CTNS: variants seen among roughly 807,000 people sequenced by gnomAD.
The protein encoded by CTNS is cystinosin.
A neutral mutation model predicts 43.7 loss-of-function variants in CTNS; 27 were observed. The observed-to-expected ratio is 0.62, with a 90% CI of 0.46 to 0.85. The LOEUF (loss-of-function observed/expected upper bound fraction) is 0.85, where lower values mean the gene tolerates loss of function less well. Among genes scored for constraint, CTNS ranks in the 40% least tolerant of loss-of-function variants. The pLI is 0.00. For synonymous variants in CTNS, 187 were observed against 190.6 expected (o/e 0.98, Z 0.16); for missense variants, 457 against 475.4 (o/e 0.96, Z 0.36).
At chr17:3,636,492 C>T (rs990441311), upstream of CTNS, 1 of 424,244 alleles carries the variant, frequency 2.4e-6, no homozygotes, top group African/African-American at 2.1e-5. Context: ...GGAGGGCGGT[C>T]TGAGCTTCGC....
intron 5 of CTNS, among the ~76,000 whole-genome samples, chr17:3,649,686 C>T (rs2075931299): frequency 6.6e-6 from 1 of 152,106 alleles, no homozygotes; most frequent in South Asian, 2.1e-4. Flanking sequence ...AAAACCAGTG[C>T]CAGAGGCCGT....
rs1470625826 is a variant in CTNS at position 3,660,702 on chromosome 17, A to G, written c.*333A>G. 1.2e-6 allele frequency: 2 copies of G among 1,613,344 alleles called. No homozygotes were observed. Among genetic ancestry groups the G allele is most frequent in the Non-Finnish European group, 8.5e-7 (1 of 1,179,972 alleles). ...GCAGCCGAAGGCCTTGCCCCAAACT[A>G]CCAGCGTTTCTGCAAGCAGCTTGAA... On this transcript the variant is annotated 3_prime_UTR_variant, in exon 12 of 12. Transcript: ENST00000046640.
chr17:3,657,882 C>T (rs1473374105), intron 9 of CTNS, 123 bp from the exon 10 acceptor site: 1 of 1,085,254 alleles, frequency 9.2e-7, no homozygotes, highest in Non-Finnish European at 1.4e-6. Flanking sequence ...TGCAGGGGCT[C>T]CTTCAAGGCC....
At position 3,655,365 on chromosome 17, in the gene CTNS, G is replaced by A. The variant is rs1389999887; in HGVS notation, c.461+13G>A. 4 of 1,613,714 alleles carry A rather than the reference G, an allele frequency of 2.5e-6. No homozygotes were observed. In the African/African-American group the frequency reaches 5.3e-5, roughly 22 times the overall value. On this transcript the variant is annotated intron_variant, in intron 7 of 11. Coordinates refer to ENST00000046640, the MANE Select transcript of CTNS (RefSeq NM_004937.3). ...GGAGGCGGAAAAGGTAACCCCCTGG[G>A]CCGTATGTGCAGGCTCTCTCGGGGC...
chr17:3,657,080 GAGGAGGGAGGAGGGCAC>G (rs1238315197), intron 9 of CTNS, among the ~76,000 whole-genome samples: 3 of 149,224 alleles, frequency 2.0e-5, no homozygotes, highest in Non-Finnish European at 4.4e-5. Context: ...CCCTGCCAGG[GAGGAGGGAGGAGGGCAC>G]AGAAGGGAGG....
rs778764492 is a variant in CTNS, at chr17:3,656,518, C to G, written c.493C>G (p.Leu165Val). Residue 165 changes from leucine to valine, a missense_variant, in exon 8 of 12, where the codon CTG becomes GTG. Coordinates refer to ENST00000046640, the MANE Select transcript of CTNS (RefSeq NM_004937.3). ...TGGTCTGAGCTTCGACTTCGTGGCT[C>G]TGAACCTGACGGGCTTCGTGGCCTA... ...VIGLSFDFVA[L>V]NLTGFVAYSV... 6.2e-7 allele frequency: 1 copy of G among 1,605,046 alleles called. No homozygotes were observed. Among genetic ancestry groups the G allele is most frequent in the East Asian group, 2.2e-5 (1 of 44,588 alleles).
intron 3 of CTNS, among the ~76,000 whole-genome samples, chr17:3,641,748 A>C (rs889890880): frequency 1.1e-4 from 17 of 151,980 alleles, no homozygotes; most frequent in Non-Finnish European, 2.2e-4. Context: ...AATCCTGCAG[A>C]GGTTTCCCCA....
At chr17:3,639,519 T>TAAC (rs2075628265) in intron 2 of CTNS, among the ~76,000 whole-genome samples, 1 of 151,888 alleles carries the variant, frequency 6.6e-6, no homozygotes, top group Non-Finnish European at 1.5e-5. Context: ...AATACAAAAG[T>TAAC]TAGCCGGGCA....
At chr17:3,658,268 G>A (rs952454514) in intron 10 of CTNS, 93 bp downstream of exon 10, 152 of 1,527,088 alleles carry the variant, frequency 1.0e-4, no homozygotes, top group Non-Finnish European at 1.2e-4. Flanking sequence ...TCCTGCCGGC[G>A]TGAGGAAACA....
rs2076159915 is a variant in CTNS at position 3,656,803 on chromosome 17, C to T, written c.681+8C>T. ...CAGTGCTGCCTGTATGAGGTGAGAC[C>T]AGCCCTGGCCCCCCACAGGCCACCC... is the stretch of plus-strand genomic sequence containing the variant. On this transcript the variant is annotated splice_region_variant and intron_variant, in intron 9 of 11. Transcript: ENST00000046640. The T allele has an allele frequency of 6.2e-7, 1 of 1,612,976 alleles. No individual in the cohort carries two copies. Among genetic ancestry groups the T allele is most frequent in the Non-Finnish European group, 8.5e-7 (1 of 1,179,932 alleles).
At chr17:3,642,392 A>G (rs1001671538) in intron 3 of CTNS, among the ~76,000 whole-genome samples, 1 of 152,272 alleles carries the variant, frequency 6.6e-6, no homozygotes, top group Admixed American at 6.5e-5. Flanking sequence ...CCTGAATGCC[A>G]TTAGAAAAGA....
chr17:3,658,012 G>T lies in CTNS; in HGVS notation c.689G>T (p.Gly230Val). The change falls in exon 10 of 12, where the codon GGC becomes GTC. Residue 230 changes from glycine (G) to valine (V), a missense_variant. Transcript: ENST00000046640. ...CCCTCCTCTCGCCCCCAGCGCGGTG[G>T]CCAGCGCGTGTCCTGGCCTGCCATC... Reference protein sequence around the residue: ...IVQCCLYERGGQRVSWPAIGF... With the variant: ...IVQCCLYERGVQRVSWPAIGF... 1 of 1,609,552 alleles carries T rather than the reference G, an allele frequency of 6.2e-7. No homozygotes were observed.
intron 2 of CTNS, among the ~76,000 whole-genome samples, chr17:3,637,819 A>G (rs114472621): frequency 0.012 from 1,831 of 151,744 alleles, 45 homozygotes; most frequent in African/African-American, 0.042. Context: ...ACATCTCCTC[A>G]TTTAAGTCCT....
intron 3 of CTNS, among the ~76,000 whole-genome samples, chr17:3,645,534 C>T (rs1567699656): frequency 6.6e-6 from 1 of 151,968 alleles, no homozygotes; most frequent in African/African-American, 2.4e-5. Flanking sequence ...AGTATTGAGG[C>T]GGAGAATCAG....
At position 3,660,926 on chromosome 17, in the gene CTNS, A is replaced by C; in HGVS notation, c.*557A>C. 1 of 802,332 alleles carries C rather than the reference A, an allele frequency of 1.2e-6. No homozygotes were observed. The highest frequency in any genetic ancestry group is 2.0e-6 in the Non-Finnish European group (1 of 501,216). The allele number at this position is 802,332 out of a possible 1,614,324, so 49.7% of individuals were successfully genotyped here. ...CTCTGTACATAACTCAGCGTCCGTG[A>C]CTGCAGTAACAGCCAGCCCTACCCA... On this transcript the variant is annotated 3_prime_UTR_variant, in exon 12 of 12. Transcript: ENST00000046640.
Position 3,637,719 on chromosome 17 carries a change from G to A in CTNS, c.-20+403G>A, listed in dbSNP as rs544463609. The stretch of plus-strand genomic sequence containing the variant: ...TGACCTCAGGTGATGCGCTCACCTC[G>A]GCCTCCCAAAGTGCTGGGATGACAG... On this transcript the variant is annotated intron_variant, in intron 2 of 11. Coordinates refer to ENST00000046640, the MANE Select transcript of CTNS (RefSeq NM_004937.3). Among the ~76,000 whole-genome samples, 13 of 152,038 alleles carry A rather than the reference G, an allele frequency of 8.6e-5. No homozygotes were observed. The East Asian group carries it at 2.5e-3, about 29-fold the overall frequency.
At chr17:3,658,329 G>C (rs1246475849) in intron 10 of CTNS, among the ~76,000 whole-genome samples, 154 bp downstream of exon 10, 1 of 152,178 alleles carries the variant, frequency 6.6e-6, no homozygotes, top group African/African-American at 2.4e-5. Flanking sequence ...GGGGCGGTGG[G>C]GAGGCCAGCC....
rs1488209262 is a variant in CTNS, at chr17:3,661,840, G to A, written c.*1471G>A. ...CACCAGCACTGGGAGCGGGGGCAGT[G>A]GGGGTCTTATTCTCCAGACGCTTCC... On this transcript the variant is annotated 3_prime_UTR_variant, in exon 12 of 12. Coordinates refer to ENST00000046640, the MANE Select transcript of CTNS (RefSeq NM_004937.3). Among the ~76,000 whole-genome samples, 2 of 152,204 alleles carry A rather than the reference G, an allele frequency of 1.3e-5. No homozygotes were observed. The highest frequency in any genetic ancestry group is 4.8e-5 in the African/African-American group (2 of 41,446).
At chr17:3,645,874 A>AG (rs1470365522) in intron 3 of CTNS, among the ~76,000 whole-genome samples, 1 of 151,840 alleles carries the variant, frequency 6.6e-6, no homozygotes, top group African/African-American at 2.4e-5. Flanking sequence ...AAAAAAAAAA[A>AG]AAAAAGTTTC....
Sources: gnomAD v4.1 joint callset for allele counts (sites outside exome capture counted in the v4.1 genomes callset) on GRCh38, gnomAD v4.1.1 for gene constraint, MANE v1.5 for transcripts, NCBI Gene and HGNC (gene_info 2026-07-23, HGNC 2026-07-21) for gene names.